The following LDB3 variants were observed in gnomAD, a reference collection of about 807,000 sequenced individuals.
LDB3 encodes LIM domain-binding protein 3.
LDB3 carries 49 observed loss-of-function variants against 69.0 expected under a neutral mutation model. That is an observed-to-expected ratio of 0.71 (90% CI 0.56 to 0.90). The LOEUF is 0.90. Ranked by LOEUF, LDB3 falls within the 40% of genes least tolerant of loss-of-function variation. The probability of loss-of-function intolerance (pLI) is 0.00; values close to 1 mark genes in which losing one functional copy is unlikely to be tolerated. For missense variants in LDB3, 928 were observed against 974.1 expected, an observed-to-expected ratio of 0.95 and a Z score of 0.63; for synonymous variants, 387 against 396.2, an observed-to-expected ratio of 0.98 and a Z score of 0.28.
intron 5 of LDB3, among the ~76,000 whole-genome samples, chr10:86,691,039 C>G (rs1459653443): frequency 6.6e-6 from 1 of 152,220 alleles, no homozygotes; most frequent in Non-Finnish European, 1.5e-5. Context: ...GGTCCCCCGG[C>G]CAGGGTGAGT....
intron 5 of LDB3, 31 bp downstream of exon 5, chr10:86,681,834 T>C (rs761383536): frequency 7.7e-6 from 12 of 1,549,390 alleles, no homozygotes; most frequent in Non-Finnish European, 1.0e-5. Flanking sequence ...TCTCCACAGG[T>C]GGCCTGGGCC....
intron 5 of LDB3, among the ~76,000 whole-genome samples, chr10:86,683,444 T>C (rs950825135): frequency 1.3e-5 from 2 of 152,242 alleles, no homozygotes; most frequent in African/African-American, 2.4e-5. Flanking sequence ...CAGGTCTGCC[T>C]GACTCCACTT....
intron 3 of LDB3, among the ~76,000 whole-genome samples, 169 bp downstream of exon 3, chr10:86,679,687 G>A (rs760358722): frequency 5.9e-5 from 9 of 152,338 alleles, no homozygotes; most frequent in African/African-American, 1.7e-4. Context: ...GGCCCAAGTC[G>A]CTGTCAAGCA....
chr10:86,707,018 T>C (rs1406642005), intron 8 of LDB3, among the ~76,000 whole-genome samples: 3 of 152,058 alleles, frequency 2.0e-5, no homozygotes, highest in Non-Finnish European at 4.4e-5. Flanking sequence ...AGTCTCTCTC[T>C]CTTTCTCACA....
chr10:86,675,258 G>T (rs1844731569), intron 2 of LDB3, among the ~76,000 whole-genome samples: 1 of 152,256 alleles, frequency 6.6e-6, no homozygotes, highest in South Asian at 2.1e-4. Flanking sequence ...AGACCTGGTG[G>T]GGAGGGCTGG....
chr10:86,702,623 C>A (rs1172811305), intron 7 of LDB3, among the ~76,000 whole-genome samples: 4 of 152,192 alleles, frequency 2.6e-5, no homozygotes, highest in African/African-American at 9.7e-5. Context: ...AGGCAGGAGG[C>A]AACTGTAGAC....
At chr10:86,714,903 G>A (rs1366854025) in intron 9 of LDB3, among the ~76,000 whole-genome samples, 2 of 152,276 alleles carry the variant, frequency 1.3e-5, no homozygotes, top group Non-Finnish European at 1.5e-5. Flanking sequence ...TCCAGGGCAG[G>A]GCTGTGGAGG....
chr10:86,706,852 C>T, intron 8 of LDB3, 133 bp downstream of exon 8: 2 of 906,886 alleles, frequency 2.2e-6, no homozygotes, highest in Non-Finnish European at 3.4e-6. Context: ...AAGGCCAGCG[C>T]TGCTTGGTGC....
chr10:86,719,219 C>T (rs549035532), intron 12 of LDB3, among the ~76,000 whole-genome samples: 16 of 152,210 alleles, frequency 1.1e-4, no homozygotes, highest in Middle Eastern at 3.4e-3. Context: ...TAGCAAGACC[C>T]AGTCTCTACA....
At chr10:86,714,962 G>C (rs536996724) in intron 9 of LDB3, among the ~76,000 whole-genome samples, 1 of 152,166 alleles carries the variant, frequency 6.6e-6, no homozygotes, top group African/African-American at 2.4e-5. Flanking sequence ...TATCTACCTG[G>C]TCCCTACTCA....
chr10:86,690,307 C>T (rs552786288), intron 5 of LDB3, among the ~76,000 whole-genome samples: 1 of 152,322 alleles, frequency 6.6e-6, no homozygotes, highest in East Asian at 1.9e-4. Context: ...CCATCTCACC[C>T]AGACCTTAGG....
chr10:86,676,696 T>C (rs1176335563), intron 2 of LDB3, among the ~76,000 whole-genome samples: 1 of 152,112 alleles, frequency 6.6e-6, no homozygotes, highest in East Asian at 1.9e-4. Context: ...TGTAGGGCAG[T>C]GTTTCCGTGA....
Position 86,716,596 on chromosome 10 carries a change from G to A in LDB3, c.1501G>A (p.Ala501Thr). Residue 501 changes from alanine (A) to threonine (T), a missense_variant, in exon 10 of 14, where the codon GCC becomes ACC. By Grantham distance (58) the Ala-to-Thr change is moderately conservative (BLOSUM62 0). Transcript: ENST00000361373. ...VTDDSFSQKF[A>T]PGKSTTSISK... ...AGATGATAGCTTCTCCCAGAAGTTTGCCCCGGGCAAGAGCACCACCTCCAT... is the reference window on the plus strand; with the variant it reads ...AGATGATAGCTTCTCCCAGAAGTTTACCCCGGGCAAGAGCACCACCTCCAT... 1.2e-6 allele frequency: 2 copies of A among 1,613,794 alleles called. No individual in the cohort carries two copies. Among genetic ancestry groups the A allele is most frequent in the Non-Finnish European group, 8.5e-7 (1 of 1,179,950 alleles).
At chr10:86,724,552 C>T (rs182792194) in intron 12 of LDB3, among the ~76,000 whole-genome samples, 2,117 of 149,178 alleles carry the variant, frequency 0.014, 45 homozygotes, top group African/African-American at 0.05. Context: ...TGCAGTGAGC[C>T]GACATCATGC....
rs147932301 is a variant in LDB3 at position 86,676,420 on chromosome 10, G to A, written c.94-2947G>A. Among the ~76,000 whole-genome samples, 317 of 152,092 alleles carry A rather than the reference G, an allele frequency of 2.1e-3. 1 individual carries two copies. Among genetic ancestry groups the A allele is most frequent in the African/African-American group, 7.1e-3 (295 of 41,518 alleles). The stretch of plus-strand genomic sequence containing the variant: ...TCTACTAAAAATACAAAAATTAGCC[G>A]GGCATGGTGGCATGCGCTTGTGGTC... On this transcript the variant is annotated intron_variant, in intron 2 of 13. Coordinates refer to ENST00000361373, the MANE Select transcript of LDB3 (RefSeq NM_007078.3).
In LDB3 at chr10:86,695,221, G is replaced by T. The variant is rs940678059; in HGVS notation, c.896+2650G>T. 2.0e-5 allele frequency among the ~76,000 whole-genome samples: 3 copies of T among 152,326 alleles called. No individual in the cohort carries two copies. The East Asian group carries it at 5.8e-4, about 29-fold the overall frequency. ...GTGTCAGGCATTCTGCACCAGGCAG[G>T]GGCTCTGGGACCTCGAGGTCAAGTG... On this transcript the variant is annotated intron_variant, in intron 7 of 13. Coordinates refer to ENST00000361373, the MANE Select transcript of LDB3 (RefSeq NM_007078.3).
chr10:86,696,720 T>C (rs187382356), intron 7 of LDB3, among the ~76,000 whole-genome samples: 1 of 152,202 alleles, frequency 6.6e-6, no homozygotes, highest in Admixed American at 6.5e-5. Context: ...GTCAGGACTG[T>C]TTGTAGTGCT....
intron 5 of LDB3, among the ~76,000 whole-genome samples, chr10:86,686,632 C>T (rs1475592055): frequency 6.6e-6 from 1 of 151,634 alleles, no homozygotes; most frequent in East Asian, 1.9e-4. Context: ...ACCTGGGCAA[C>T]ATCGTGAGAC....
At chr10:86,684,160 C>T (rs1467408706) in intron 5 of LDB3, among the ~76,000 whole-genome samples, 2 of 152,234 alleles carry the variant, frequency 1.3e-5, no homozygotes, top group Non-Finnish European at 2.9e-5. Flanking sequence ...CAGCAGCCCC[C>T]TTCTTCTCCT....
Sources: gnomAD v4.1 joint callset for allele counts (sites outside exome capture counted in the v4.1 genomes callset) on GRCh38, gnomAD v4.1.1 for gene constraint, MANE v1.5 for transcripts, NCBI Gene and HGNC (gene_info 2026-07-23, HGNC 2026-07-21) for gene names.